DLG5: variants seen among roughly 807,000 people sequenced by gnomAD.
DLG5 encodes the protein disks large homolog 5.
A neutral mutation model predicts 189.8 loss-of-function variants in DLG5; 48 were observed. The observed-to-expected ratio is 0.25, with a 90% CI of 0.20 to 0.32. The LOEUF is 0.32. Among genes scored for constraint, DLG5 ranks in the 10% least tolerant of loss-of-function variants. The pLI, the probability that DLG5 is intolerant of heterozygous loss-of-function variation, is 1.00. For synonymous variants in DLG5, 1,016 were observed against 1,054.1 expected (o/e 0.96, Z 0.70); for missense variants, 2,160 against 2,544.7 (o/e 0.85, Z 3.25).
intron 1 of DLG5, among the ~76,000 whole-genome samples, chr10:77,884,426 G>A (rs1273395882): frequency 6.6e-6 from 1 of 152,130 alleles, no homozygotes; most frequent in Non-Finnish European, 1.5e-5. Flanking sequence ...AGCTCACTGG[G>A]AAAGGACCCC....
chr10:77,811,331 C>A, intron 22 of DLG5, 97 bp from the exon 23 acceptor site: 1 of 1,472,258 alleles, frequency 6.8e-7, no homozygotes, highest in South Asian at 1.3e-5. Context: ...AAATGGGGAC[C>A]AGGTCACATA....
chr10:77,794,292 G>C (rs1160401329), intron 30 of DLG5, among the ~76,000 whole-genome samples, 175 bp from the exon 31 acceptor site: 1 of 152,190 alleles, frequency 6.6e-6, no homozygotes, highest in African/African-American at 2.4e-5. Flanking sequence ...GGGAGCTCTG[G>C]GCAGATGGGG....
intron 20 of DLG5, chr10:77,815,933 T>A (rs1275784993): frequency 2.7e-6 from 1 of 371,212 alleles, no homozygotes; most frequent in African/African-American, 2.1e-5. Flanking sequence ...AGGAGGTGCC[T>A]CTGGACAGAC....
rs372017423 is a variant in DLG5 at position 77,902,951 on chromosome 10, G to A, written c.304+23266C>T. Reference sequence around the variant, plus strand: ...ATTCTGGGCGACAGAGCGAGACTCCGTCTCAAAAAATAAATAAATAAATAA... The same window carrying A: ...ATTCTGGGCGACAGAGCGAGACTCCATCTCAAAAAATAAATAAATAAATAA... On this transcript the variant is annotated intron_variant, in intron 1 of 31. Transcript: ENST00000372391. Among the ~76,000 whole-genome samples the A allele has an allele frequency of 2.0e-4, 31 of 151,694 alleles. 3 individuals are homozygous for A. Among genetic ancestry groups the A allele is most frequent in the East Asian group, 9.7e-4 (5 of 5,156 alleles).
chr10:77,849,178 T>C (rs1409059958), intron 5 of DLG5, among the ~76,000 whole-genome samples: 1 of 152,192 alleles, frequency 6.6e-6, no homozygotes, highest in Admixed American at 6.5e-5. Context: ...AGATAAATCA[T>C]GCAGAGGGCC....
chr10:77,801,396 C>G (rs1157047543), intron 27 of DLG5, among the ~76,000 whole-genome samples: 5 of 149,516 alleles, frequency 3.3e-5, no homozygotes, highest in Non-Finnish European at 7.4e-5. Flanking sequence ...ACCAGGCTGG[C>G]TGAATCATGG....
At chr10:77,841,409 G>A (rs1403305920) in intron 7 of DLG5, among the ~76,000 whole-genome samples, 5 of 152,200 alleles carry the variant, frequency 3.3e-5, no homozygotes, top group African/African-American at 1.2e-4. Flanking sequence ...GCAGGAGCCT[G>A]AAATACTTTT....
In DLG5 at chr10:77,821,911, G is replaced by C; in HGVS notation, c.2573C>G (p.Pro858Arg). The change falls in exon 15 of 32, where the codon CCA (proline) becomes CGA (arginine). Residue 858 changes from proline (P) to arginine (R), a missense_variant. Physicochemically the swap from Pro to Arg is moderately radical, Grantham distance 103. Transcript: ENST00000372391. ...GGAGCTGCTGCCTCCTGGGGGGCCT[G>C]GCTCCTTCCTGTCTTCCAGCCTGTC... ...YTDRLEDRKE[P>R]GPPGGSSSFL... 1 of 1,614,238 alleles carries C rather than the reference G, an allele frequency of 6.2e-7. No homozygotes were observed. The highest frequency in any genetic ancestry group is 8.5e-7 in the Non-Finnish European group (1 of 1,180,048).
At chr10:77,920,871 T>C (rs1181400660) in intron 1 of DLG5, among the ~76,000 whole-genome samples, 1 of 152,220 alleles carries the variant, frequency 6.6e-6, no homozygotes, top group Non-Finnish European at 1.5e-5. Context: ...GGTTGTGGAA[T>C]ATTCTAAGTC....
intron 27 of DLG5, among the ~76,000 whole-genome samples, chr10:77,801,187 C>T (rs1568116918): frequency 1.3e-5 from 2 of 152,164 alleles, no homozygotes; most frequent in Admixed American, 6.5e-5. Context: ...TTACCAAACG[C>T]AGTCTTTACA....
chr10:77,806,718 A>AGCCCCCCCCCCCC, intron 26 of DLG5, 40 bp downstream of exon 26: 16 of 1,333,640 alleles, frequency 1.2e-5, no homozygotes, highest in East Asian at 4.7e-5. Flanking sequence ...GCCCTCGGCG[A>AGCCCCCCCCCCCC]CCCCTGCCCC....
At chr10:77,882,361 C>G (rs975439851) in intron 1 of DLG5, among the ~76,000 whole-genome samples, 1 of 152,138 alleles carries the variant, frequency 6.6e-6, no homozygotes, top group Non-Finnish European at 1.5e-5. Context: ...CACAGGCTGT[C>G]GTGCAGAGCA....
rs1840840044 is a variant in DLG5, at chr10:77,795,013, CCT to C, written c.5437-57_5437-56del. On this transcript the variant is annotated intron_variant, in intron 29 of 31. Transcript: ENST00000372391. Reference sequence around the variant, plus strand: ...GCGGGCAGTGAGGGGCAGCCAGCCCCCTGTCCTGCCACCAGCAGGACCCACCT... The same window carrying C: ...GCGGGCAGTGAGGGGCAGCCAGCCCCGTCCTGCCACCAGCAGGACCCACCT... The C allele has an allele frequency of 8.9e-6, 13 of 1,466,622 alleles. No homozygotes were observed. The East Asian group carries it at 1.4e-4, about 16-fold the overall frequency. 90.9% of individuals were successfully genotyped at this position (1,466,622 alleles called of 1,614,324 possible). A position where few individuals can be genotyped will look rare whatever the true frequency, so the allele number is the denominator to read the frequency against.
intron 27 of DLG5, among the ~76,000 whole-genome samples, chr10:77,804,240 G>A (rs1395493987): frequency 2.0e-5 from 3 of 152,116 alleles, no homozygotes; most frequent in Admixed American, 1.3e-4. Context: ...AGGCTTTGAA[G>A]GCAAAACGGC....
intron 15 of DLG5, chr10:77,820,381 G>A (rs1039266296): frequency 3.3e-5 from 6 of 180,392 alleles, no homozygotes; most frequent in Admixed American, 2.3e-4. Context: ...ACAGTGGAAC[G>A]CTTGAGCAGC....
At chr10:77,876,634 T>G (rs532483720) in intron 1 of DLG5, among the ~76,000 whole-genome samples, 3 of 144,152 alleles carry the variant, frequency 2.1e-5, no homozygotes, top group Non-Finnish European at 4.5e-5. Context: ...AATGCTGGAA[T>G]TACAGGCATG....
chr10:77,824,447 A>G lies in DLG5; in HGVS notation c.2319T>C (p.Ser773=), dbSNP rs767421721. The change falls in exon 14 of 32, where the codon TCT becomes TCC. Residue 773 remains serine, a synonymous_variant. Transcript: ENST00000372391. Reference sequence around the variant, plus strand: ...GCAGCAGAGATTCACATTCATTCAGAGACTTGTTGTCCAGTGCAATGCCAT... The same window carrying G: ...GCAGCAGAGATTCACATTCATTCAGGGACTTGTTGTCCAGTGCAATGCCAT... ...AINGIALDNK[S]LNECESLLRS... 4 of 1,613,964 alleles carry G rather than the reference A, an allele frequency of 2.5e-6. No individual in the cohort carries two copies. Among genetic ancestry groups the G allele is most frequent in the Non-Finnish European group, 3.4e-6 (4 of 1,180,000 alleles).
At chr10:77,855,546 A>C (rs1844188867) in intron 3 of DLG5, among the ~76,000 whole-genome samples, 1 of 152,256 alleles carries the variant, frequency 6.6e-6, no homozygotes, top group African/African-American at 2.4e-5. Context: ...AGTCATAGAC[A>C]CTTTGTAACC....
At chr10:77,837,360 C>T (rs899016335) in intron 7 of DLG5, among the ~76,000 whole-genome samples, 2 of 151,928 alleles carry the variant, frequency 1.3e-5, no homozygotes, top group African/African-American at 4.8e-5. Flanking sequence ...CACGTGGATT[C>T]CCTGAAAGGT....
Sources: gnomAD v4.1 joint callset for allele counts (sites outside exome capture counted in the v4.1 genomes callset) on GRCh38, gnomAD v4.1.1 for gene constraint, MANE v1.5 for transcripts, NCBI Gene and HGNC (gene_info 2026-07-23, HGNC 2026-07-21) for gene names.